Variants in NOVA2 observed in about 807,000 individuals in gnomAD.
NOVA2 encodes the protein RNA-binding protein Nova-2.
NOVA2 carries 9 observed loss-of-function variants against 22.5 expected under a neutral mutation model. That is an observed-to-expected ratio of 0.40 (90% CI 0.24 to 0.70). The LOEUF (loss-of-function observed/expected upper bound fraction) is 0.70. Ranked by LOEUF, NOVA2 falls within the 30% of genes least tolerant of loss-of-function variation. The probability of loss-of-function intolerance (pLI) is 0.38; values close to 1 mark genes in which losing one functional copy is unlikely to be tolerated. For missense variants in NOVA2, 383 were observed against 682.8 expected (o/e 0.56, Z 4.89); for synonymous variants, 318 against 335.2 (o/e 0.95, Z 0.56).
intron 1 of NOVA2, among the ~76,000 whole-genome samples, chr19:45,964,303 C>T (rs1317906266): frequency 3.4e-5 from 5 of 149,138 alleles, no homozygotes; most frequent in East Asian, 2.0e-4. Flanking sequence ...CCTCAGCCTG[C>T]GGAGTAGCTG....
intron 1 of NOVA2, 73 bp downstream of exon 1, chr19:45,973,194 G>T (rs1968256762): frequency 1.3e-6 from 1 of 750,170 alleles, no homozygotes; most frequent in Non-Finnish European, 2.0e-6. Context: ...CCTGCCACGG[G>T]AGGGGGGGAA....
chr19:45,939,714 A>G lies in NOVA2; in HGVS notation c.*149T>C. ...TCACTCAATCCTGCCTATGACTACCAGAAGGGGAGGGTGCAGTCGGGCCTA... is the reference window on the plus strand; with the variant it reads ...TCACTCAATCCTGCCTATGACTACCGGAAGGGGAGGGTGCAGTCGGGCCTA... On this transcript the variant is annotated 3_prime_UTR_variant, in exon 4 of 4. Transcript: ENST00000263257. The G allele has an allele frequency of 2.1e-6, 2 of 971,432 alleles. No individual in the cohort carries two copies. Among genetic ancestry groups the G allele is most frequent in the East Asian group, 5.4e-5 (2 of 37,270 alleles). The allele number at this position is 971,432 out of a possible 1,614,324, so 60.2% of individuals were successfully genotyped here.
At chr19:45,951,201 G>T (rs1051035563) in intron 3 of NOVA2, among the ~76,000 whole-genome samples, 3 of 152,214 alleles carry the variant, frequency 2.0e-5, no homozygotes, top group African/African-American at 7.2e-5. Flanking sequence ...AGTTGGCCTG[G>T]CGCAATGGCT....
chr19:45,966,543 C>T (rs1277574991), intron 1 of NOVA2, among the ~76,000 whole-genome samples: 2 of 150,904 alleles, frequency 1.3e-5, no homozygotes, highest in Non-Finnish European at 1.5e-5. Flanking sequence ...TCTGGGATTA[C>T]AGGCATGAGC....
At chr19:45,973,157 G>A in intron 1 of NOVA2, 110 bp downstream of exon 1, 1 of 401,398 alleles carries the variant, frequency 2.5e-6, no homozygotes, top group Non-Finnish European at 4.3e-6. Context: ...GGGGAGGGGT[G>A]TCTCTCCCCT....
At chr19:45,952,350 C>CATATGTG (rs1967938440) in intron 3 of NOVA2, among the ~76,000 whole-genome samples, 2 of 152,186 alleles carry the variant, frequency 1.3e-5, no homozygotes, top group Non-Finnish European at 2.9e-5. Context: ...TGCTCAAGGT[C>CATATGTG]ACATAGGACG....
In NOVA2 at chr19:45,953,964, G is replaced by C; in HGVS notation, c.230-18C>G. 1 of 1,613,300 alleles carries C rather than the reference G, an allele frequency of 6.2e-7. No homozygotes were observed. The highest frequency in any genetic ancestry group is 8.5e-7 in the Non-Finnish European group (1 of 1,179,326). On this transcript the variant is annotated intron_variant, in intron 2 of 3. Transcript: ENST00000263257. Reference sequence around the variant, plus strand: ...TGTGGTTCCTGTTGAGCAAGGGAGAGAGAGGGCACACTCATGAGACAGGAA... The same window carrying C: ...TGTGGTTCCTGTTGAGCAAGGGAGACAGAGGGCACACTCATGAGACAGGAA...
At chr19:45,955,806 C>T (rs948133179) in intron 2 of NOVA2, among the ~76,000 whole-genome samples, 9 of 151,506 alleles carry the variant, frequency 5.9e-5, no homozygotes, top group East Asian at 1.9e-4. Context: ...TGCAGTGAGC[C>T]GAGATCATGC....
chr19:45,941,954 C>T (rs2146407948), intron 3 of NOVA2, among the ~76,000 whole-genome samples: 1 of 152,246 alleles, frequency 6.6e-6, no homozygotes, highest in East Asian at 1.9e-4. Context: ...CCCATGCCTT[C>T]TAGTGTTACG....
chr19:45,959,397 T>C (rs913943560), intron 2 of NOVA2, among the ~76,000 whole-genome samples: 4 of 152,146 alleles, frequency 2.6e-5, no homozygotes, highest in African/African-American at 7.2e-5. Flanking sequence ...GTAGGACCAA[T>C]GTCTGTCCCG....
rs563601100 is a variant in NOVA2 at position 45,938,825 on chromosome 19, G to T, written c.*1038C>A. ...GACTGGTCACTGTCCAATACAGGAA[G>T]TACATGCTTCAGCCTAATGACATCA... On this transcript the variant is annotated 3_prime_UTR_variant, in exon 4 of 4. Transcript: ENST00000263257. The T allele has an allele frequency of 1.3e-5, 2 of 152,240 alleles. No individual in the cohort carries two copies. Among genetic ancestry groups the T allele is most frequent in the African/African-American group, 4.8e-5 (2 of 41,448 alleles). The allele number at this position is 152,240 out of a possible 1,614,324, so 9.4% of individuals were successfully genotyped here.
At chr19:45,946,003 T>TA (rs35902840) in intron 3 of NOVA2, among the ~76,000 whole-genome samples, 67,204 of 97,622 alleles carry the variant, frequency 0.69, 22,560 homozygotes, top group East Asian at 0.8. Context: ...AGACTCCATC[T>TA]AAAAAAAAAA....
intron 3 of NOVA2, among the ~76,000 whole-genome samples, chr19:45,943,507 A>G (rs1401411934): frequency 1.3e-5 from 2 of 151,686 alleles, no homozygotes; most frequent in Non-Finnish European, 2.9e-5. Context: ...TGAGCCCAGG[A>G]GTTGTAGACC....
chr19:45,969,963 C>T (rs1380702513), intron 1 of NOVA2, among the ~76,000 whole-genome samples: 2 of 152,194 alleles, frequency 1.3e-5, no homozygotes, highest in Non-Finnish European at 2.9e-5. Context: ...CAGTAGGCCA[C>T]TGCTTGCTGG....
chr19:45,939,933 T>C lies in NOVA2; in HGVS notation c.1409A>G (p.Gln470Arg). 1 of 1,614,132 alleles carries C rather than the reference T, an allele frequency of 6.2e-7. No homozygotes were observed. The highest frequency in any genetic ancestry group is 8.5e-7 in the Non-Finnish European group (1 of 1,179,992). ...GGTGACCCGCTGACTGATGAGGTAT[T>C]GAGCGGCTTGCGTGGCCGCGGGGCT... ...TGSPAATQAAQYLISQRVTYE... is the reference protein window; with the variant it reads ...TGSPAATQAARYLISQRVTYE... Residue 470 changes from glutamine to arginine, a missense_variant, in exon 4 of 4, where the codon CAA (glutamine) becomes CGA (arginine). Transcript: ENST00000263257.
Position 45,961,161 on chromosome 19 carries a change from G to T in NOVA2, c.86-8C>A. The T allele has an allele frequency of 3.8e-6, 6 of 1,597,612 alleles. No individual in the cohort carries two copies. Among genetic ancestry groups the T allele is most frequent in the East Asian group, 2.3e-5 (1 of 44,420 alleles). On this transcript the variant is annotated splice_polypyrimidine_tract_variant and splice_region_variant and intron_variant, in intron 1 of 3. Transcript: ENST00000263257. The stretch of plus-strand genomic sequence containing the variant: ...GGAAGTATTCGCCTTCCTCTGCGGG[G>T]GCACACAGGGTGGAGGGGAGTCAGC...
chr19:45,935,951 C>T lies in NOVA2; in HGVS notation c.*3912G>A, dbSNP rs943946250. The T allele has an allele frequency of 6.6e-6, 1 of 152,204 alleles. No individual in the cohort carries two copies. Among genetic ancestry groups the T allele is most frequent in the Non-Finnish European group, 1.5e-5 (1 of 68,052 alleles). The allele number at this position is 152,204 out of a possible 1,614,324, so 9.4% of individuals were successfully genotyped here. On this transcript the variant is annotated 3_prime_UTR_variant, in exon 4 of 4. Coordinates refer to ENST00000263257, the MANE Select transcript of NOVA2 (RefSeq NM_002516.4). ...ACATCCACTTGGGATACCCATAATT[C>T]CCAACTACAAGTCCAGGGTAGGCGT... is the stretch of plus-strand genomic sequence containing the variant.
Position 45,939,668 on chromosome 19 carries a change from T to C in NOVA2, c.*195A>G. Reference sequence around the variant, plus strand: ...TCAGTTCCGGGCTGGGGAGGGGGCTTCTGAGCCCCCTTCCCAACCGTCACT... The same window carrying C: ...TCAGTTCCGGGCTGGGGAGGGGGCTCCTGAGCCCCCTTCCCAACCGTCACT... On this transcript the variant is annotated 3_prime_UTR_variant, in exon 4 of 4. Transcript: ENST00000263257. 6 of 670,060 alleles carry C rather than the reference T, an allele frequency of 9.0e-6. No individual in the cohort carries two copies. The highest frequency in any genetic ancestry group is 1.5e-5 in the Non-Finnish European group (6 of 406,632). 41.5% of individuals were successfully genotyped at this position (670,060 alleles called of 1,614,324 possible). A position where few individuals can be genotyped will look rare whatever the true frequency, so the allele number is the denominator to read the frequency against.
At chr19:45,966,333 TC>T (rs1174949193) in intron 1 of NOVA2, among the ~76,000 whole-genome samples, 1 of 152,198 alleles carries the variant, frequency 6.6e-6, no homozygotes. Context: ...CCCATGACCT[TC>T]CAGTCCTTGG....
Sources: allele counts gnomAD v4.1 joint callset (sites outside exome capture counted in the v4.1 genomes callset), GRCh38; gene constraint gnomAD v4.1.1; transcripts MANE v1.5; gene names NCBI Gene and HGNC (gene_info 2026-07-23, HGNC 2026-07-21).